ASTN1: variants seen among roughly 807,000 people sequenced by gnomAD.
The protein encoded by ASTN1 is astrotactin 1.
A neutral mutation model predicts 140.7 loss-of-function variants in ASTN1; 41 were observed. The observed-to-expected ratio is 0.29, with a 90% CI of 0.23 to 0.38. ASTN1 has a LOEUF of 0.38. Among genes scored for constraint, ASTN1 ranks in the 10% least tolerant of loss-of-function variants. The pLI is 1.00. For missense variants in ASTN1, 1,479 were observed against 1,678.8 expected, an observed-to-expected ratio of 0.88 and a Z score of 2.08; for synonymous variants, 640 against 652.2, an observed-to-expected ratio of 0.98 and a Z score of 0.29.
chr1:177,118,707 C>T (rs556977498), intron 1 of ASTN1, among the ~76,000 whole-genome samples: 1 of 152,268 alleles, frequency 6.6e-6, no homozygotes, highest in South Asian at 2.1e-4. Flanking sequence ...CCCTCTCAGG[C>T]TCCATGGCAT....
At chr1:177,010,346 G>A (rs1249714831) in intron 8 of ASTN1, among the ~76,000 whole-genome samples, 1 of 152,196 alleles carries the variant, frequency 6.6e-6, no homozygotes, top group Non-Finnish European at 1.5e-5. Flanking sequence ...GTAAGCCACT[G>A]TGCAGGGCTA....
intron 7 of ASTN1, among the ~76,000 whole-genome samples, chr1:177,017,313 G>C (rs1460011180): frequency 6.6e-6 from 1 of 152,140 alleles, no homozygotes; most frequent in Non-Finnish European, 1.5e-5. Flanking sequence ...CATCATGCTA[G>C]GTTTTGGGGA....
chr1:177,108,347 CAAAA>C (rs71129596), intron 1 of ASTN1, among the ~76,000 whole-genome samples: 1 of 98,598 alleles, frequency 1.0e-5, no homozygotes, highest in Non-Finnish European at 2.0e-5. Context: ...GACTCCGTCT[CAAAA>C]AAAAAAAAAA....
At chr1:177,107,882 A>G (rs1680626594) in intron 1 of ASTN1, among the ~76,000 whole-genome samples, 1 of 152,206 alleles carries the variant, frequency 6.6e-6, no homozygotes, top group African/African-American at 2.4e-5. Flanking sequence ...ACTCAAAGGA[A>G]AAAAGGAGAA....
intron 16 of ASTN1, among the ~76,000 whole-genome samples, chr1:176,915,427 A>C (rs1257849665): frequency 1.3e-5 from 2 of 152,162 alleles, no homozygotes; most frequent in Non-Finnish European, 2.9e-5. Flanking sequence ...CTCCTTCCAC[A>C]TTACAGATGT....
intron 3 of ASTN1, among the ~76,000 whole-genome samples, chr1:177,032,183 T>C (rs1456677106): frequency 1.3e-5 from 2 of 152,230 alleles, no homozygotes; most frequent in Non-Finnish European, 2.9e-5. Flanking sequence ...AAAATGGCTC[T>C]AACTCACTCC....
At chr1:176,986,253 T>A (rs1246142422) in intron 8 of ASTN1, among the ~76,000 whole-genome samples, 1 of 152,196 alleles carries the variant, frequency 6.6e-6, no homozygotes, top group African/African-American at 2.4e-5. Flanking sequence ...GAAAAGGGGT[T>A]CTGATCACTC....
intron 1 of ASTN1, among the ~76,000 whole-genome samples, chr1:177,154,488 T>C (rs1683162590): frequency 1.3e-5 from 2 of 152,172 alleles, no homozygotes; most frequent in South Asian, 4.1e-4. Flanking sequence ...AATATTACCG[T>C]TATTACAGAA....
chr1:177,089,152 C>T (rs1246268876), intron 1 of ASTN1, among the ~76,000 whole-genome samples: 1 of 152,086 alleles, frequency 6.6e-6, no homozygotes, highest in Non-Finnish European at 1.5e-5. Context: ...GAGGAGGTGA[C>T]CCAGAAGCTG....
At chr1:176,967,193 T>TTCAAA (rs2101853889) in intron 8 of ASTN1, among the ~76,000 whole-genome samples, 1 of 152,214 alleles carries the variant, frequency 6.6e-6, no homozygotes, top group South Asian at 2.1e-4. Context: ...CCATAAAGTA[T>TTCAAA]CCAAACAATG....
In ASTN1 at chr1:177,122,909, T is replaced by C. The variant is rs1054192153; in HGVS notation, c.283+41485A>G. ...GCTAGGATCAGAACAACAAAGTGCATTGCCCCTTTTGGAGGCCTCTACCTT... is the reference window on the plus strand; with the variant it reads ...GCTAGGATCAGAACAACAAAGTGCACTGCCCCTTTTGGAGGCCTCTACCTT... On this transcript the variant is annotated intron_variant, in intron 1 of 22. Transcript: ENST00000361833. Among the ~76,000 whole-genome samples the C allele has an allele frequency of 3.3e-5, 5 of 152,170 alleles. No individual in the cohort carries two copies. In the South Asian group the frequency reaches 6.2e-4, roughly 19 times the overall value.
intron 8 of ASTN1, among the ~76,000 whole-genome samples, chr1:176,999,348 G>A (rs1674609998): frequency 6.6e-6 from 1 of 152,230 alleles, no homozygotes; most frequent in Non-Finnish European, 1.5e-5. Flanking sequence ...ACTTCTCCAG[G>A]TTGGCACTGA....
chr1:177,073,009 T>A (rs1558075171), intron 1 of ASTN1, among the ~76,000 whole-genome samples: 1 of 152,170 alleles, frequency 6.6e-6, no homozygotes, highest in Non-Finnish European at 1.5e-5. Context: ...CAAAGGAATA[T>A]GGCTGTAGTT....
At chr1:177,156,872 T>C (rs1360865565) in intron 1 of ASTN1, among the ~76,000 whole-genome samples, 1 of 152,222 alleles carries the variant, frequency 6.6e-6, no homozygotes, top group African/African-American at 2.4e-5. Flanking sequence ...TGACACTTTA[T>C]AGCTTCCTTC....
intron 1 of ASTN1, among the ~76,000 whole-genome samples, chr1:177,156,638 A>C (rs1370718653): frequency 6.6e-6 from 1 of 152,238 alleles, no homozygotes; most frequent in African/African-American, 2.4e-5. Context: ...AATTCAAAAT[A>C]ATTTATGTAG....
intron 1 of ASTN1, among the ~76,000 whole-genome samples, chr1:177,120,979 C>T (rs960453374): frequency 6.6e-6 from 1 of 152,128 alleles, no homozygotes; most frequent in Non-Finnish European, 1.5e-5. Flanking sequence ...TGCTTAGAAG[C>T]ATGGAGTATT....
At chr1:176,927,662 C>T (rs1447848697) in intron 16 of ASTN1, among the ~76,000 whole-genome samples, 2 of 152,106 alleles carry the variant, frequency 1.3e-5, no homozygotes, top group Admixed American at 1.3e-4. Context: ...AATTACATGC[C>T]AGGCACTGTG....
chr1:176,977,355 G>A (rs891862818), intron 8 of ASTN1, among the ~76,000 whole-genome samples: 1 of 151,912 alleles, frequency 6.6e-6, no homozygotes, highest in Non-Finnish European at 1.5e-5. Context: ...AAAACATTTG[G>A]CTAAATACAG....
chr1:177,102,196 G>T (rs1459371969), intron 1 of ASTN1, among the ~76,000 whole-genome samples: 1 of 152,106 alleles, frequency 6.6e-6, no homozygotes, highest in African/African-American at 2.4e-5. Context: ...CTATCCTCAA[G>T]GTTAAATAAG....
Sources: allele counts gnomAD v4.1 joint callset (sites outside exome capture counted in the v4.1 genomes callset), GRCh38; gene constraint gnomAD v4.1.1; transcripts MANE v1.5; gene names NCBI Gene and HGNC (gene_info 2026-07-23, HGNC 2026-07-21).